TMEM132B: variants seen among roughly 807,000 people sequenced by gnomAD.
The protein encoded by TMEM132B is transmembrane protein 132B.
In TMEM132B, 18 loss-of-function variants were observed where a neutral mutation model predicts 90.8. That is an observed-to-expected ratio of 0.20 (90% CI 0.14 to 0.29). The LOEUF is 0.29. Among genes scored for constraint, TMEM132B ranks in the 10% least tolerant of loss-of-function variants. The pLI, the probability that TMEM132B is intolerant of heterozygous loss-of-function variation, is 1.00. For synonymous variants in TMEM132B, 504 were observed against 523.3 expected (o/e 0.96, Z 0.50); for missense variants, 1,096 against 1,326.8 (o/e 0.83, Z 2.70).
chr12:125,390,061 A>G (rs749290870), intron 2 of TMEM132B, among the ~76,000 whole-genome samples: 3 of 152,160 alleles, frequency 2.0e-5, no homozygotes, highest in Non-Finnish European at 2.9e-5. Context: ...TCTCCTCTCC[A>G]TGGTTACTGC....
intron 1 of TMEM132B, among the ~76,000 whole-genome samples, chr12:125,338,647 G>A (rs1877060778): frequency 5.3e-5 from 8 of 152,210 alleles, no homozygotes; most frequent in Non-Finnish European, 8.8e-5. Context: ...CCAGTGGGCA[G>A]AGTAGCCCCT....
At chr12:125,543,420 T>C (rs1046416948) in intron 4 of TMEM132B, among the ~76,000 whole-genome samples, 1 of 152,264 alleles carries the variant, frequency 6.6e-6, no homozygotes, top group Non-Finnish European at 1.5e-5. Flanking sequence ...TTAGGTCTTA[T>C]AAGTAGTCTA....
At chr12:125,484,451 C>T (rs114170381) in intron 3 of TMEM132B, among the ~76,000 whole-genome samples, 2,740 of 152,142 alleles carry the variant, frequency 0.018, 65 homozygotes, top group African/African-American at 0.061. Flanking sequence ...AGGAGCTGAC[C>T]GATGGTCAGC....
chr12:125,632,413 G>T (rs1886387261), intron 5 of TMEM132B, among the ~76,000 whole-genome samples: 1 of 152,078 alleles, frequency 6.6e-6, no homozygotes, highest in Non-Finnish European at 1.5e-5. Context: ...CTTAGGATAA[G>T]AGTAGTTTAC....
At chr12:125,266,646 T>C (rs1053515576) in intron 1 of TMEM132B, among the ~76,000 whole-genome samples, 2 of 152,172 alleles carry the variant, frequency 1.3e-5, no homozygotes, top group South Asian at 4.1e-4. Flanking sequence ...CAGGTTTGGG[T>C]TGGGTTAGGC....
chr12:125,422,278 C>T (rs952187756), intron 3 of TMEM132B, among the ~76,000 whole-genome samples: 3 of 152,208 alleles, frequency 2.0e-5, no homozygotes, highest in African/African-American at 7.2e-5. Context: ...CCTGAGGTCT[C>T]AGAGCCAGTA....
At chr12:125,589,094 A>C (rs899111660) in intron 5 of TMEM132B, among the ~76,000 whole-genome samples, 1 of 152,182 alleles carries the variant, frequency 6.6e-6, no homozygotes, top group Admixed American at 6.5e-5. Flanking sequence ...ATTTATTGAC[A>C]TATTGAAATA....
chr12:125,576,561 G>C (rs1308141887), intron 4 of TMEM132B, among the ~76,000 whole-genome samples: 1 of 140,950 alleles, frequency 7.1e-6, no homozygotes, highest in East Asian at 2.2e-4. Flanking sequence ...TCTTAAGAAA[G>C]CTTACAGTCT....
rs185398808 is a variant in TMEM132B, at chr12:125,362,427, A to G, written c.959+12084A>G. ...AAAAAGAAACCCCAAGGAGTTTTAT[A>G]CATGCCCTGGATAAGGTATATTTCT... On this transcript the variant is annotated intron_variant, in intron 2 of 8. Transcript: ENST00000682704. Among the ~76,000 whole-genome samples the G allele has an allele frequency of 1.2e-3, 187 of 152,356 alleles. 1 individual carries two copies. Among genetic ancestry groups the G allele is most frequent in the African/African-American group, 4.3e-3 (177 of 41,588 alleles).
intron 1 of TMEM132B, among the ~76,000 whole-genome samples, chr12:125,280,362 T>C (rs1036866677): frequency 5.9e-5 from 9 of 152,236 alleles, no homozygotes; most frequent in African/African-American, 1.9e-4. Flanking sequence ...TATGTGACAA[T>C]TAAAAAAATA....
intron 1 of TMEM132B, among the ~76,000 whole-genome samples, chr12:125,270,397 T>C (rs183943113): frequency 1.3e-5 from 2 of 152,288 alleles, no homozygotes; most frequent in East Asian, 3.9e-4. Flanking sequence ...CAATATCCCA[T>C]TTCCTGAACT....
intron 4 of TMEM132B, among the ~76,000 whole-genome samples, chr12:125,538,851 T>C (rs1327118477): frequency 6.6e-6 from 1 of 152,154 alleles, no homozygotes; most frequent in Non-Finnish European, 1.5e-5. Context: ...GGAATAAAAA[T>C]AGAGGAGTTA....
chr12:125,353,116 G>C (rs557124770), intron 2 of TMEM132B, among the ~76,000 whole-genome samples: 1 of 152,286 alleles, frequency 6.6e-6, no homozygotes, highest in African/African-American at 2.4e-5. Flanking sequence ...TGGCTTCACT[G>C]CCTCTGCCTC....
intron 3 of TMEM132B, among the ~76,000 whole-genome samples, chr12:125,515,722 TCACA>T (rs1195524970): frequency 6.6e-6 from 1 of 151,422 alleles, no homozygotes; most frequent in East Asian, 2.0e-4. Context: ...TCACACGTTC[TCACA>T]CACATTCACA....
intron 5 of TMEM132B, among the ~76,000 whole-genome samples, chr12:125,614,410 C>A (rs1279663484): frequency 2.0e-5 from 3 of 152,132 alleles, no homozygotes; most frequent in Non-Finnish European, 4.4e-5. Flanking sequence ...ATTATGGCCT[C>A]CAGCTCCATC....
In TMEM132B at chr12:125,445,252, T is replaced by C. The variant is rs1163328805; in HGVS notation, c.1106+29575T>C. Among the ~76,000 whole-genome samples the C allele has an allele frequency of 6.6e-6, 1 of 152,188 alleles. No individual in the cohort carries two copies. The highest frequency in any genetic ancestry group is 1.9e-4 in the East Asian group (1 of 5,196). ...CACTGATGGAAGTGAAGCTTTGTGG[T>C]TGACGAGGTGGGCTCTGGATCTGTG... On this transcript the variant is annotated intron_variant, in intron 3 of 8. Transcript: ENST00000682704. This position sits in a 1 kb window ranked among gnomAD's most constrained non-coding sequence, Gnocchi z 4.3.
chr12:125,321,067 G>T (rs1021258697), intron 1 of TMEM132B, among the ~76,000 whole-genome samples: 1 of 152,226 alleles, frequency 6.6e-6, no homozygotes, highest in Admixed American at 6.5e-5. Flanking sequence ...GAGATTCAGC[G>T]TATGCATTGG....
rs186005963 is a variant in TMEM132B at position 125,407,239 on chromosome 12, G to A, written c.960-8292G>A. 6.6e-6 allele frequency among the ~76,000 whole-genome samples: 1 copy of A among 152,306 alleles called. No homozygotes were observed. Among genetic ancestry groups the A allele is most frequent in the East Asian group, 1.9e-4 (1 of 5,184 alleles). The stretch of plus-strand genomic sequence containing the variant: ...TCTTATCAGGCAAGAAATTCCAAAG[G>A]CTTAAAAGTTAGTTCTCAGGAGGTG... On this transcript the variant is annotated intron_variant, in intron 2 of 8. Coordinates refer to ENST00000682704, the MANE Select transcript of TMEM132B (RefSeq NM_001366854.1). This position sits in a 1 kb window ranked among gnomAD's most constrained non-coding sequence, Gnocchi z 6.7.
intron 3 of TMEM132B, among the ~76,000 whole-genome samples, chr12:125,428,141 AC>A (rs1307286440): frequency 6.6e-6 from 1 of 151,946 alleles, no homozygotes; most frequent in African/African-American, 2.4e-5. Flanking sequence ...ACAGGCATGT[AC>A]CATCATACCT....
Sources: allele counts gnomAD v4.1 joint callset (sites outside exome capture counted in the v4.1 genomes callset), GRCh38; gene constraint gnomAD v4.1.1; non-coding constraint Gnocchi (gnomAD v3.1); transcripts MANE v1.5; gene names NCBI Gene and HGNC (gene_info 2026-07-23, HGNC 2026-07-21).